CELF1: variants seen among roughly 807,000 people sequenced by gnomAD.
CELF1 encodes the protein CUGBP Elav-like family member 1.
CELF1 carries 10 observed loss-of-function variants against 61.8 expected under a neutral mutation model. The observed-to-expected ratio is 0.16, with a 90% confidence interval of 0.10 to 0.27. The LOEUF is 0.27. Ranked by LOEUF, CELF1 falls within the 10% of genes least tolerant of loss-of-function variation. The pLI, the probability that CELF1 is intolerant of heterozygous loss-of-function variation, is 1.00. For missense variants in CELF1, 380 were observed against 639.1 expected (o/e 0.59, Z 4.37); for synonymous variants, 236 against 225.1 (o/e 1.05, Z -0.43).
intron 3 of CELF1, among the ~76,000 whole-genome samples, chr11:47,489,452 A>G (rs2089776010): frequency 6.6e-6 from 1 of 152,250 alleles, no homozygotes; most frequent in African/African-American, 2.4e-5. Context: ...GAACACTTCA[A>G]TGTATACAAT....
chr11:47,535,180 T>C lies in CELF1; in HGVS notation c.-154+17812A>G, dbSNP rs1271568672. 3.9e-5 allele frequency among the ~76,000 whole-genome samples: 6 copies of C among 152,066 alleles called. No homozygotes were observed. The East Asian group carries it at 1.2e-3, about 29-fold the overall frequency. On this transcript the variant is annotated intron_variant, in intron 1 of 14. Transcript: ENST00000687097. ...TCCATAATAGTTTGAGCCAGAAAAG[T>C]ACCTGGCACAAATTTCAAGAGTATC...
chr11:47,480,367 A>G (rs1366825803), intron 9 of CELF1, among the ~76,000 whole-genome samples: 2 of 152,188 alleles, frequency 1.3e-5, no homozygotes, highest in African/African-American at 4.8e-5. Flanking sequence ...GATTACAGGC[A>G]TAAGCCACCG....
chr11:47,544,854 C>T (rs1365000853), intron 1 of CELF1, among the ~76,000 whole-genome samples: 4 of 151,536 alleles, frequency 2.6e-5, no homozygotes, highest in Non-Finnish European at 4.4e-5. Context: ...CCCAGCTACT[C>T]GGAAGGCTGA....
At chr11:47,482,650 C>T (rs762423770) in intron 9 of CELF1, 45 bp downstream of exon 9, 2 of 1,573,144 alleles carry the variant, frequency 1.3e-6, no homozygotes, top group Admixed American at 3.5e-5. Flanking sequence ...GAAGGAACAG[C>T]TGGGAGCTTG....
intron 3 of CELF1, among the ~76,000 whole-genome samples, chr11:47,497,794 C>T (rs1311181608): frequency 1.3e-5 from 2 of 152,150 alleles, no homozygotes; most frequent in East Asian, 3.8e-4. Context: ...AGGTGACTTT[C>T]ATGCAGTGGT....
chr11:47,515,469 A>C (rs2095502393), intron 1 of CELF1, among the ~76,000 whole-genome samples: 1 of 152,128 alleles, frequency 6.6e-6, no homozygotes, highest in Non-Finnish European at 1.5e-5. Flanking sequence ...ATGAGGCCAA[A>C]TCTGTCTTAT....
chr11:47,532,394 A>G (rs1278035724), intron 1 of CELF1, among the ~76,000 whole-genome samples: 1 of 152,182 alleles, frequency 6.6e-6, no homozygotes, highest in Non-Finnish European at 1.5e-5. Context: ...ACATAAAACT[A>G]TCTTCCCTTT....
chr11:47,551,891 G>T (rs1284692335), intron 1 of CELF1, among the ~76,000 whole-genome samples: 1 of 152,002 alleles, frequency 6.6e-6, no homozygotes, highest in South Asian at 2.1e-4. Flanking sequence ...GGTGGCACAT[G>T]CCTGTAATCC....
intron 3 of CELF1, among the ~76,000 whole-genome samples, chr11:47,497,357 T>C (rs772812490): frequency 2.0e-5 from 3 of 152,274 alleles, no homozygotes; most frequent in Non-Finnish European, 4.4e-5. Context: ...GTAGCACCAG[T>C]GGAAGCTTAA....
At chr11:47,511,311 G>C (rs919856682) in intron 1 of CELF1, among the ~76,000 whole-genome samples, 1 of 148,558 alleles carries the variant, frequency 6.7e-6, no homozygotes, top group Non-Finnish European at 1.5e-5. Context: ...AGAGGAGGGA[G>C]AGGCAGGCCC....
intron 1 of CELF1, among the ~76,000 whole-genome samples, chr11:47,521,730 T>G (rs1207185426): frequency 6.6e-6 from 1 of 152,210 alleles, no homozygotes; most frequent in African/African-American, 2.4e-5. Context: ...TGGAAAAGAA[T>G]GAGTCCCAAA....
intron 1 of CELF1, among the ~76,000 whole-genome samples, chr11:47,505,921 G>A (rs1366811700): frequency 1.4e-5 from 2 of 137,988 alleles, no homozygotes; most frequent in Non-Finnish European, 3.2e-5. Flanking sequence ...GGTGACAAGA[G>A]TGAAACTCTG....
chr11:47,472,191 C>G lies in CELF1; in HGVS notation c.*39G>C. 6.2e-7 allele frequency: 1 copy of G among 1,609,640 alleles called. No homozygotes were observed. Among genetic ancestry groups the G allele is most frequent in the Non-Finnish European group, 8.5e-7 (1 of 1,177,430 alleles). On this transcript the variant is annotated 3_prime_UTR_variant, in exon 15 of 15. Transcript: ENST00000687097. Reference sequence around the variant, plus strand: ...TTAAGGGTGCTCCTCCCCCACTTACCAGAAGACCCTCTCACTCCAGTCTCA... The same window carrying G: ...TTAAGGGTGCTCCTCCCCCACTTACGAGAAGACCCTCTCACTCCAGTCTCA...
At chr11:47,540,885 AAACAACAAC>A (rs138263192) in intron 1 of CELF1, among the ~76,000 whole-genome samples, 30 of 151,106 alleles carry the variant, frequency 2.0e-4, no homozygotes, top group African/African-American at 2.9e-4. Flanking sequence ...ACTCCATCTC[AAACAACAAC>A]AACAACAACA....
rs1484152942 is a variant in CELF1, at chr11:47,495,952, C to CA, written c.71+3500dup. ...AAATTCAGATACTTACCAATCCCTC[C>CA]ACCTCCCCAGCAGGCAAAAATACTT... is the stretch of plus-strand genomic sequence containing the variant. On this transcript the variant is annotated intron_variant, in intron 3 of 14. Transcript: ENST00000687097. 1.0e-5 allele frequency: 10 copies of CA among 984,318 alleles called. No individual in the cohort carries two copies. In the African/African-American group the frequency reaches 1.7e-4, roughly 17 times the overall value. 61.0% of individuals were successfully genotyped at this position (984,318 alleles called of 1,614,324 possible). A position where few individuals can be genotyped will look rare whatever the true frequency, so the allele number is the denominator to read the frequency against.
intron 1 of CELF1, among the ~76,000 whole-genome samples, chr11:47,503,673 G>A (rs1451983403): frequency 6.6e-6 from 1 of 152,172 alleles, no homozygotes; most frequent in Non-Finnish European, 1.5e-5. Context: ...ACCAACTACA[G>A]TAACTTAAAT....
At chr11:47,503,471 AGAG>A (rs2094168781) in intron 1 of CELF1, among the ~76,000 whole-genome samples, 1 of 152,220 alleles carries the variant, frequency 6.6e-6, no homozygotes, top group Non-Finnish European at 1.5e-5. Flanking sequence ...ATATAAGCAC[AGAG>A]GAGATTAGAA....
intron 2 of CELF1, among the ~76,000 whole-genome samples, chr11:47,564,171 CAAAAAAAAAAA>C (rs779009192): frequency 3.2e-5 from 2 of 62,914 alleles, no homozygotes; most frequent in East Asian, 5.0e-4. Flanking sequence ...ACTAAAAATA[CAAAAAAAAAAA>C]AAAAAAAAAA....
chr11:47,544,789 C>T (rs964658116), intron 1 of CELF1, among the ~76,000 whole-genome samples: 9 of 151,904 alleles, frequency 5.9e-5, no homozygotes, highest in Admixed American at 4.6e-4. Flanking sequence ...ATGGAGAAAC[C>T]CCATCTCTAC....
Sources: allele counts gnomAD v4.1 joint callset (sites outside exome capture counted in the v4.1 genomes callset), GRCh38; gene constraint gnomAD v4.1.1; transcripts MANE v1.5; gene names NCBI Gene and HGNC (gene_info 2026-07-23, HGNC 2026-07-21).